FRMPD4: variants seen among roughly 807,000 people sequenced by gnomAD.
FRMPD4 encodes the protein FERM and PDZ domain containing 4.
In FRMPD4, 22 loss-of-function variants were observed where a neutral mutation model predicts 94.1. The observed-to-expected ratio is 0.23, with a 90% CI of 0.17 to 0.33. The LOEUF (loss-of-function observed/expected upper bound fraction) is 0.33, where lower values mean the gene tolerates loss of function less well. Among genes scored for constraint, FRMPD4 ranks in the 10% least tolerant of loss-of-function variants. FRMPD4 has a pLI of 1.00. For synonymous variants in FRMPD4, 631 were observed against 548.6 expected (o/e 1.15, Z -2.10); for missense variants, 1,111 against 1,339.9 (o/e 0.83, Z 2.67).
intron 1 of FRMPD4, among the ~76,000 whole-genome samples, chrX:12,470,878 G>C (rs2057504048): frequency 9.0e-6 from 1 of 111,363 alleles, no homozygotes; most frequent in Admixed American, 9.6e-5. Context: ...CAGAAACCTA[G>C]CTTTAGGCTT....
At chrX:11,856,135 T>C (rs1439793824) in intron 1 of FRMPD4, among the ~76,000 whole-genome samples, 1 of 111,243 alleles carries the variant, frequency 9.0e-6, no homozygotes, top group African/African-American at 3.3e-5. Context: ...CCATCAGATC[T>C]CATGAGAACT....
intron 1 of FRMPD4, among the ~76,000 whole-genome samples, chrX:12,474,713 A>G (rs1178634351): frequency 8.9e-6 from 1 of 111,906 alleles, no homozygotes; most frequent in Non-Finnish European, 1.9e-5. Context: ...AAATCAGGAA[A>G]AAATGGATAA....
intron 13 of FRMPD4, among the ~76,000 whole-genome samples, chrX:12,710,042 C>T (rs914461856): frequency 2.7e-5 from 3 of 111,246 alleles, no homozygotes; most frequent in Admixed American, 9.5e-5. Flanking sequence ...GCATAAGAAT[C>T]GCTTAAACCC....
rs755370019 is a variant in FRMPD4 at position 12,063,083 on chromosome X, A to T, written c.95+185065A>T. 7.1e-5 allele frequency among the ~76,000 whole-genome samples: 8 copies of T among 112,198 alleles called. No individual in the cohort carries two copies. The East Asian group carries it at 1.7e-3, about 24-fold the overall frequency. On this transcript the variant is annotated intron_variant, in intron 3 of 18. Coordinates refer to the FRMPD4 transcript ENST00000640291. ...GGTAGACCTCTTTATTCAAATTAAG[A>T]ATGCTACTAGGCATAGTGGCTCATG...
intron 3 of FRMPD4, among the ~76,000 whole-genome samples, chrX:12,006,603 G>A (rs1268816709): frequency 9.0e-6 from 1 of 111,640 alleles, no homozygotes; most frequent in Non-Finnish European, 1.9e-5. Context: ...GGCTGATAAG[G>A]CCCAGCCACT....
chrX:12,537,441 ATATTTT>A (rs1401525155), intron 2 of FRMPD4, among the ~76,000 whole-genome samples: 1 of 104,989 alleles, frequency 9.5e-6, no homozygotes. Flanking sequence ...CCAACAATAT[ATATTTT>A]TTTTTTCCTT....
At chrX:12,008,465 A>G (rs2054565136) in intron 3 of FRMPD4, among the ~76,000 whole-genome samples, 1 of 112,603 alleles carries the variant, frequency 8.9e-6, no homozygotes, top group Admixed American at 9.4e-5. Flanking sequence ...GCTAAGGGGT[A>G]CTTCATTTTT....
At chrX:12,422,886 A>G (rs1466964080) in intron 1 of FRMPD4, among the ~76,000 whole-genome samples, 1 of 111,449 alleles carries the variant, frequency 9.0e-6, no homozygotes, top group Non-Finnish European at 1.9e-5. Context: ...AGGTCCAAAA[A>G]TGGGAAAGAT....
At position 12,122,044 on chromosome X, in the gene FRMPD4, T is replaced by C. The variant is rs369422797; in HGVS notation, c.95+244026T>C. On this transcript the variant is annotated intron_variant, in intron 3 of 18. Transcript: ENST00000640291. ...ACATTTATGAGTTTGATATAATTATTACTCCAATTTTATATATAAGGAAGC... is the reference window on the plus strand; with the variant it reads ...ACATTTATGAGTTTGATATAATTATCACTCCAATTTTATATATAAGGAAGC... 4.5e-5 allele frequency among the ~76,000 whole-genome samples: 5 copies of C among 112,008 alleles called. No homozygotes were observed. In the East Asian group the frequency reaches 8.4e-4, roughly 19 times the overall value.
At chrX:12,002,877 C>G (rs1251982321) in intron 3 of FRMPD4, among the ~76,000 whole-genome samples, 1 of 111,456 alleles carries the variant, frequency 9.0e-6, no homozygotes, top group African/African-American at 3.3e-5. Flanking sequence ...TATATACTTA[C>G]TAACACTTGC....
At chrX:12,637,494 A>C (rs958685138) in intron 4 of FRMPD4, among the ~76,000 whole-genome samples, 1 of 111,428 alleles carries the variant, frequency 9.0e-6, no homozygotes, top group Non-Finnish European at 1.9e-5. Context: ...ACAAAGTGAT[A>C]TCCTGTCTCC....
At chrX:12,194,192 C>T (rs149948251) in intron 1 of FRMPD4, among the ~76,000 whole-genome samples, 1 of 110,965 alleles carries the variant, frequency 9.0e-6, no homozygotes, top group East Asian at 2.9e-4. Context: ...TTCTAGCTAC[C>T]ACATTTCTGG....
chrX:12,280,855 G>T (rs1007274499), intron 1 of FRMPD4, among the ~76,000 whole-genome samples: 3 of 111,501 alleles, frequency 2.7e-5, no homozygotes, highest in Non-Finnish European at 5.6e-5. Context: ...CAGTGCTGTT[G>T]TCCTCTCATT....
chrX:11,844,136 C>T (rs1304299742), intron 1 of FRMPD4, among the ~76,000 whole-genome samples: 2 of 103,885 alleles, frequency 1.9e-5, no homozygotes, highest in East Asian at 3.0e-4. Context: ...TACAGGCATG[C>T]GCCATCACAC....
intron 2 of FRMPD4, among the ~76,000 whole-genome samples, chrX:12,596,180 C>T (rs2059028990): frequency 9.0e-6 from 1 of 111,282 alleles, no homozygotes; most frequent in Non-Finnish European, 1.9e-5. Flanking sequence ...TGAACCAGTG[C>T]TTTTCCAAGT....
intron 1 of FRMPD4, among the ~76,000 whole-genome samples, chrX:12,241,424 A>G (rs2057128181): frequency 1.8e-5 from 2 of 112,267 alleles, no homozygotes; most frequent in South Asian, 3.7e-4. Flanking sequence ...TCAAAATACT[A>G]CTGCCAAACC....
chrX:11,847,063 G>A (rs1393161090), intron 1 of FRMPD4, among the ~76,000 whole-genome samples: 1 of 106,723 alleles, frequency 9.4e-6, no homozygotes, highest in Non-Finnish European at 1.9e-5. Flanking sequence ...CTTCTGCACA[G>A]CAAAAGAAAC....
intron 1 of FRMPD4, among the ~76,000 whole-genome samples, chrX:12,290,392 G>GATTA (rs1206037558): frequency 2.7e-5 from 3 of 112,314 alleles, no homozygotes; most frequent in Admixed American, 9.4e-5. Flanking sequence ...CCTTACCATT[G>GATTA]ATTAAACTCA....
intron 1 of FRMPD4, among the ~76,000 whole-genome samples, chrX:12,288,551 T>A (rs1284325431): frequency 9.0e-6 from 1 of 111,361 alleles, no homozygotes; most frequent in Non-Finnish European, 1.9e-5. Context: ...AAGGAAGAAA[T>A]GAGAAAGCTT....
Sources: gnomAD v4.1 joint callset for allele counts (sites outside exome capture counted in the v4.1 genomes callset) on GRCh38, gnomAD v4.1.1 for gene constraint, MANE v1.5 for transcripts, NCBI Gene and HGNC (gene_info 2026-07-23, HGNC 2026-07-21) for gene names.